Variants in TEX36 observed in about 807,000 individuals in gnomAD.
The protein encoded by TEX36 is testis expressed 36, also known as testis-expressed protein 36.
Under a neutral mutation model 13.6 loss-of-function variants are expected in TEX36, and 12 were observed. The observed-to-expected ratio is 0.88, with a 90% CI of 0.56 to 1.43. TEX36 has a LOEUF of 1.43. TEX36 is among the 40% of genes most tolerant of loss of function. The pLI, the probability that TEX36 is intolerant of heterozygous loss-of-function variation, is 0.00. For synonymous variants in TEX36, 93 were observed against 83.0 expected (o/e 1.12, Z -0.65); for missense variants, 224 against 228.3 (o/e 0.98, Z 0.12).
intron 3 of TEX36, among the ~76,000 whole-genome samples, chr10:125,611,212 C>G (rs1032206571): frequency 6.6e-6 from 1 of 152,166 alleles, no homozygotes; most frequent in Non-Finnish European, 1.5e-5. Flanking sequence ...TCTTTGTACA[C>G]ATGCATATTG....
intron 3 of TEX36, among the ~76,000 whole-genome samples, chr10:125,636,155 G>A (rs545446284): frequency 4.6e-5 from 7 of 151,498 alleles, no homozygotes; most frequent in Admixed American, 3.9e-4. Context: ...GATTATAGGC[G>A]TGAGTCACCA....
At chr10:125,661,343 A>T (rs1565187630) in intron 2 of TEX36, among the ~76,000 whole-genome samples, 1 of 152,212 alleles carries the variant, frequency 6.6e-6, no homozygotes, top group Non-Finnish European at 1.5e-5. Flanking sequence ...ATTATCTTTC[A>T]AAACACCTTA....
chr10:125,681,072 T>C (rs1238140294), intron 1 of TEX36, among the ~76,000 whole-genome samples: 1 of 152,186 alleles, frequency 6.6e-6, no homozygotes, highest in Non-Finnish European at 1.5e-5. Flanking sequence ...GGCAGGAAAG[T>C]ATTGTTTTCC....
chr10:125,642,011 C>T (rs1846699798), intron 3 of TEX36, among the ~76,000 whole-genome samples: 1 of 152,108 alleles, frequency 6.6e-6, no homozygotes, highest in South Asian at 2.1e-4. Flanking sequence ...TCTCTGTGTC[C>T]CTCCACATAA....
At chr10:125,656,823 A>T (rs1846952520) in intron 3 of TEX36, among the ~76,000 whole-genome samples, 1 of 151,924 alleles carries the variant, frequency 6.6e-6, no homozygotes, top group Admixed American at 6.6e-5. Context: ...AACCCTAGGG[A>T]CCCAGGTAGG....
intron 3 of TEX36, among the ~76,000 whole-genome samples, chr10:125,586,197 A>C (rs927053627): frequency 2.6e-5 from 4 of 152,240 alleles, no homozygotes; most frequent in Admixed American, 2.6e-4. Flanking sequence ...TTGTATACTT[A>C]GTTGGTTTCC....
At chr10:125,667,342 C>G in intron 1 of TEX36, 1 of 644,212 alleles carries the variant, frequency 1.6e-6, no homozygotes, top group Admixed American at 1.8e-5. Flanking sequence ...TGGTCACACA[C>G]TGGCAGTGCT....
intron 3 of TEX36, among the ~76,000 whole-genome samples, chr10:125,577,806 T>C (rs960653419): frequency 3.9e-5 from 6 of 152,238 alleles, no homozygotes; most frequent in Admixed American, 1.3e-4. Flanking sequence ...CCTTTCCTAC[T>C]CAGCTCTTTG....
At chr10:125,639,137 T>G (rs1846654034) in intron 3 of TEX36, among the ~76,000 whole-genome samples, 1 of 152,256 alleles carries the variant, frequency 6.6e-6, no homozygotes, top group Non-Finnish European at 1.5e-5. Flanking sequence ...CAGCTTTTGC[T>G]CTTACACATA....
In TEX36 at chr10:125,660,015, A is replaced by T. The variant is rs540106175; in HGVS notation, c.264+1006T>A. Among the ~76,000 whole-genome samples, 5 of 152,344 alleles carry T rather than the reference A, an allele frequency of 3.3e-5. No homozygotes were observed. The South Asian group carries it at 1.0e-3, about 32-fold the overall frequency. ...AGATGTTACATAAGTGTAAAACACA[A>T]ACTGTATTTTAAAGACTTGGTTTGG... On this transcript the variant is annotated intron_variant, in intron 3 of 3. Transcript: ENST00000368821.
chr10:125,649,397 A>G (rs909203957), intron 3 of TEX36, among the ~76,000 whole-genome samples: 4 of 152,224 alleles, frequency 2.6e-5, no homozygotes, highest in African/African-American at 9.6e-5. Flanking sequence ...CATCCAGCCA[A>G]ACTAAGCTTC....
At chr10:125,586,788 C>A (rs1418019312) in intron 3 of TEX36, among the ~76,000 whole-genome samples, 1 of 149,812 alleles carries the variant, frequency 6.7e-6, no homozygotes, top group Non-Finnish European at 1.5e-5. Flanking sequence ...GAGACCCTGT[C>A]TAAAAAAAAA....
chr10:125,657,520 T>A (rs1026771469), intron 3 of TEX36, among the ~76,000 whole-genome samples: 1 of 151,910 alleles, frequency 6.6e-6, no homozygotes, highest in Non-Finnish European at 1.5e-5. Context: ...AAAGGCATGA[T>A]GAAAATAGGG....
At chr10:125,597,619 T>C (rs192096355) in intron 3 of TEX36, among the ~76,000 whole-genome samples, 6 of 152,340 alleles carry the variant, frequency 3.9e-5, no homozygotes, top group Non-Finnish European at 7.3e-5. Context: ...AGAGATTCTT[T>C]GATTTGCAAT....
chr10:125,628,632 G>A (rs1002648056), intron 3 of TEX36, among the ~76,000 whole-genome samples: 2 of 152,232 alleles, frequency 1.3e-5, no homozygotes, highest in Non-Finnish European at 2.9e-5. Flanking sequence ...GAATCTTTTA[G>A]AAGTGCTTCT....
At chr10:125,595,677 G>T (rs539738031) in intron 3 of TEX36, among the ~76,000 whole-genome samples, 1 of 152,268 alleles carries the variant, frequency 6.6e-6, no homozygotes, top group Admixed American at 6.5e-5. Flanking sequence ...TGCACTGGCT[G>T]TTCTGCTGAT....
intron 3 of TEX36, among the ~76,000 whole-genome samples, chr10:125,641,935 G>GT (rs1846698750): frequency 6.6e-6 from 1 of 152,178 alleles, no homozygotes; most frequent in Admixed American, 6.5e-5. Flanking sequence ...AGAAAGACTG[G>GT]TTTTAAGGGG....
Position 125,603,521 on chromosome 10 carries a change from C to T in TEX36, c.265-26647G>A, listed in dbSNP as rs114487610. 6.9e-3 allele frequency among the ~76,000 whole-genome samples: 1,044 copies of T among 152,230 alleles called. 10 individuals carry two copies. Among genetic ancestry groups the T allele is most frequent in the African/African-American group, 0.024 (1,017 of 41,524 alleles). On this transcript the variant is annotated intron_variant, in intron 3 of 3. Transcript: ENST00000532135. Reference sequence around the variant, plus strand: ...GGAGAACTTGTTGACGAACCTTATACTGCACAGTGGTCACAGATAAGGCTG... The same window carrying T: ...GGAGAACTTGTTGACGAACCTTATATTGCACAGTGGTCACAGATAAGGCTG...
At chr10:125,675,655 G>A (rs1312496579) in intron 1 of TEX36, among the ~76,000 whole-genome samples, 1 of 152,148 alleles carries the variant, frequency 6.6e-6, no homozygotes. Flanking sequence ...AACCCCATGT[G>A]GCTCCCAGGT....
Sources: gnomAD v4.1 joint callset for allele counts (sites outside exome capture counted in the v4.1 genomes callset) on GRCh38, gnomAD v4.1.1 for gene constraint, MANE v1.5 for transcripts, NCBI Gene and HGNC (gene_info 2026-07-23, HGNC 2026-07-21) for gene names.